Variants in KIRREL3 observed in about 807,000 individuals in gnomAD.
KIRREL3 encodes the protein kin of IRRE-like protein 3.
A neutral mutation model predicts 89.7 loss-of-function variants in KIRREL3; 36 were observed. The observed-to-expected ratio is 0.40, with a 90% CI of 0.31 to 0.53. KIRREL3 has a LOEUF of 0.53. Among genes scored for constraint, KIRREL3 ranks in the 20% least tolerant of loss-of-function variants. The probability of loss-of-function intolerance (pLI) is 0.49; values close to 1 mark genes in which losing one functional copy is unlikely to be tolerated. For synonymous variants in KIRREL3, 445 were observed against 441.4 expected (o/e 1.01, Z -0.10); for missense variants, 864 against 1,056.6 (o/e 0.82, Z 2.53).
chr11:126,779,263 C>T (rs1461608989), intron 1 of KIRREL3, among the ~76,000 whole-genome samples: 4 of 152,158 alleles, frequency 2.6e-5, no homozygotes, highest in Admixed American at 6.5e-5. Flanking sequence ...GCTTTATCCC[C>T]GACAGATCTC....
In KIRREL3 at chr11:126,454,812, ATCTGT is replaced by A. The variant is rs1455835173; in HGVS notation, c.848+1532_848+1536del. Among the ~76,000 whole-genome samples the A allele has an allele frequency of 6.6e-6, 1 of 152,198 alleles. No individual in the cohort carries two copies. ...CGGCTCAGAAGGGACCCTGGAGGTC[ATCTGT>A]TCTTTCTTCTGACTCTAGTCAAGCA... On this transcript the variant is annotated intron_variant, in intron 7 of 16. Transcript: ENST00000525144. This position sits in a 1 kb window ranked among gnomAD's most constrained non-coding sequence, Gnocchi z 5.8.
Position 126,579,878 on chromosome 11 carries a change from C to G in KIRREL3, c.56-16966G>C, listed in dbSNP as rs184033859. 1.4e-3 allele frequency among the ~76,000 whole-genome samples: 205 copies of G among 150,598 alleles called. 1 individual carries two copies. The highest frequency in any genetic ancestry group is 4.8e-3 in the African/African-American group (197 of 40,858). On this transcript the variant is annotated intron_variant, in intron 1 of 16. Transcript: ENST00000525144. The surrounding 1 kb of genome is among the most constrained non-coding windows in gnomAD (Gnocchi z 5.3). ...TTTTTTTTTTTGAGGCAGAGTCTTG[C>G]TCTGTCACCCAGGCTGGAGTGCAGT...
chr11:126,572,811 C>G lies in KIRREL3; in HGVS notation c.56-9899G>C, dbSNP rs141577189. Among the ~76,000 whole-genome samples the G allele has an allele frequency of 1.2e-3, 181 of 152,284 alleles. 1 individual carries two copies. Among genetic ancestry groups the G allele is most frequent in the African/African-American group, 4.1e-3 (170 of 41,560 alleles). ...ATGGGCTTACAAACCTTCTTGTCACCTATTTATGGCCCACATAAAACTCTG... is the reference window on the plus strand; with the variant it reads ...ATGGGCTTACAAACCTTCTTGTCACGTATTTATGGCCCACATAAAACTCTG... On this transcript the variant is annotated intron_variant, in intron 1 of 16. Transcript: ENST00000525144.
At chr11:126,838,907 T>G (rs111638827) in intron 1 of KIRREL3, among the ~76,000 whole-genome samples, 2 of 152,170 alleles carry the variant, frequency 1.3e-5, no homozygotes, top group Non-Finnish European at 2.9e-5. Context: ...TTAAATCTTA[T>G]GCTCACTTCA....
chr11:126,981,104 GC>G lies in KIRREL3; in HGVS notation c.55+19350del. ...CTATTCTTACATGATTGGCCTGAAA[GC>G]CTTGATGCTGAGTTCTAGATATTTG... is the stretch of plus-strand genomic sequence containing the variant. On this transcript the variant is annotated intron_variant, in intron 1 of 16. Transcript: ENST00000525144. This position sits in a 1 kb window ranked among gnomAD's most constrained non-coding sequence, Gnocchi z 4.2. 6.6e-6 allele frequency among the ~76,000 whole-genome samples: 1 copy of G among 152,268 alleles called. No individual in the cohort carries two copies. The highest frequency in any genetic ancestry group is 3.4e-3 in the Middle Eastern group (1 of 294).
At chr11:126,842,193 C>T (rs751919322) in intron 1 of KIRREL3, among the ~76,000 whole-genome samples, 7 of 152,170 alleles carry the variant, frequency 4.6e-5, no homozygotes, top group Non-Finnish European at 1.0e-4. Flanking sequence ...GGAGCTCTAT[C>T]TGGACTCTGC....
chr11:126,458,220 C>T (rs1031924306), intron 6 of KIRREL3, among the ~76,000 whole-genome samples: 9 of 152,312 alleles, frequency 5.9e-5, no homozygotes, highest in Admixed American at 1.3e-4. Flanking sequence ...TGGAAAGTCA[C>T]GAGGACTTCT....
At chr11:126,478,542 CATGTGTGTAT>C (rs1251809058) in intron 4 of KIRREL3, among the ~76,000 whole-genome samples, 1 of 150,462 alleles carries the variant, frequency 6.6e-6, no homozygotes, top group Non-Finnish European at 1.5e-5. Flanking sequence ...TATGTGTGTA[CATGTGTGTAT>C]ATGTGTGTAT....
chr11:126,618,288 C>G lies in KIRREL3; in HGVS notation c.56-55376G>C, dbSNP rs539079466. Among the ~76,000 whole-genome samples, 59 of 152,270 alleles carry G rather than the reference C, an allele frequency of 3.9e-4. 2 individuals are homozygous for G. Among genetic ancestry groups the G allele is most frequent in the African/African-American group, 1.4e-3 (59 of 41,544 alleles). On this transcript the variant is annotated intron_variant, in intron 1 of 16. Coordinates refer to ENST00000525144, the MANE Select transcript of KIRREL3 (RefSeq NM_032531.4). ...CTCATGAGAACTCACCCACATGATC[C>G]AAACCATATTAGTGAGCCAAACTCT...
At chr11:126,529,350 G>T (rs1958867806) in intron 2 of KIRREL3, among the ~76,000 whole-genome samples, 1 of 152,214 alleles carries the variant, frequency 6.6e-6, no homozygotes, top group African/African-American at 2.4e-5. Flanking sequence ...GGTGGACTCT[G>T]AGTGGCCACA....
At chr11:126,712,907 A>T (rs1422909895) in intron 1 of KIRREL3, among the ~76,000 whole-genome samples, 1 of 152,194 alleles carries the variant, frequency 6.6e-6, no homozygotes, top group Non-Finnish European at 1.5e-5. Context: ...CTAGACATTT[A>T]TTGAGTGCCT....
At chr11:126,727,244 T>C (rs4099578) in intron 1 of KIRREL3, among the ~76,000 whole-genome samples, 131,673 of 152,264 alleles carry the variant, frequency 0.86, 57,050 homozygotes, top group East Asian at 1. Flanking sequence ...GGAGGCCGGC[T>C]GGCCACTCTC....
rs1474079304 is a variant in KIRREL3, at chr11:126,527,604, G to C, written c.134-917C>G. ...AAAAATAGTAATGGGAGCTGTGCTT[G>C]TGAATTGCTCACCAAGTACGGCGCA... On this transcript the variant is annotated intron_variant, in intron 2 of 16. Coordinates refer to ENST00000525144, the MANE Select transcript of KIRREL3 (RefSeq NM_032531.4). This position sits in a 1 kb window ranked among gnomAD's most constrained non-coding sequence, Gnocchi z 4.2. Among the ~76,000 whole-genome samples the C allele has an allele frequency of 6.6e-6, 1 of 152,218 alleles. No homozygotes were observed. Among genetic ancestry groups the C allele is most frequent in the East Asian group, 1.9e-4 (1 of 5,196 alleles).
chr11:126,619,678 A>C (rs1591826277), intron 1 of KIRREL3, among the ~76,000 whole-genome samples: 1 of 152,256 alleles, frequency 6.6e-6, no homozygotes, highest in East Asian at 1.9e-4. Context: ...GCACTGGTGC[A>C]CTTTGACCCA....
intron 1 of KIRREL3, among the ~76,000 whole-genome samples, chr11:126,902,362 T>G (rs1425082783): frequency 6.6e-6 from 1 of 152,240 alleles, no homozygotes; most frequent in African/African-American, 2.4e-5. Context: ...TGGCTTACAT[T>G]TATTCCAATT....
Position 126,594,879 on chromosome 11 carries a change from C to T in KIRREL3, c.56-31967G>A, listed in dbSNP as rs1370409861. On this transcript the variant is annotated intron_variant, in intron 1 of 16. Coordinates refer to ENST00000525144, the MANE Select transcript of KIRREL3 (RefSeq NM_032531.4). The surrounding 1 kb of genome is among the most constrained non-coding windows in gnomAD (Gnocchi z 5.0). Reference sequence around the variant, plus strand: ...AGCATTTCCGCCACGTGCTTCTCAGCGTTTTGCCCCAGTTGGCCTTCCGCC... The same window carrying T: ...AGCATTTCCGCCACGTGCTTCTCAGTGTTTTGCCCCAGTTGGCCTTCCGCC... 1.3e-5 allele frequency among the ~76,000 whole-genome samples: 2 copies of T among 152,264 alleles called. No homozygotes were observed. Among genetic ancestry groups the T allele is most frequent in the South Asian group, 2.1e-4 (1 of 4,836 alleles).
chr11:126,774,729 G>C (rs1356288417), intron 1 of KIRREL3, among the ~76,000 whole-genome samples: 1 of 152,164 alleles, frequency 6.6e-6, no homozygotes, highest in African/African-American at 2.4e-5. Context: ...CTAAGCCCAT[G>C]GGCTGGGTTG....
Position 126,995,123 on chromosome 11 carries a change from G to A in KIRREL3, c.55+5332C>T, listed in dbSNP as rs546466750. The A allele has an allele frequency of 1.1e-4, 48 of 449,204 alleles. No homozygotes were observed. In the East Asian group the frequency reaches 2.1e-3, roughly 20 times the overall value. The allele number at this position is 449,204 out of a possible 1,614,324, so 27.8% of individuals were successfully genotyped here. A position where few individuals can be genotyped will look rare whatever the true frequency, so the allele number is the denominator to read the frequency against. ...TGGGCGCAGTATACTGGCTGGCTTT[G>A]CTGCTCACTCCCTTACGAATAGCTG... On this transcript the variant is annotated intron_variant, in intron 1 of 16. Transcript: ENST00000525144. This position sits in a 1 kb window ranked among gnomAD's most constrained non-coding sequence, Gnocchi z 6.5.
At chr11:126,720,027 C>G (rs1274578471) in intron 1 of KIRREL3, among the ~76,000 whole-genome samples, 1 of 152,202 alleles carries the variant, frequency 6.6e-6, no homozygotes, top group Non-Finnish European at 1.5e-5. Flanking sequence ...TTCAGCTGAA[C>G]TAACCTCCTT....
Sources: allele counts gnomAD v4.1 joint callset (sites outside exome capture counted in the v4.1 genomes callset), GRCh38; gene constraint gnomAD v4.1.1; non-coding constraint Gnocchi (gnomAD v3.1); transcripts MANE v1.5; gene names NCBI Gene and HGNC (gene_info 2026-07-23, HGNC 2026-07-21).